HSPG2: variants seen among roughly 807,000 people sequenced by gnomAD.
HSPG2 encodes the protein basement membrane-specific heparan sulfate proteoglycan core protein.
Under a neutral mutation model 526.6 loss-of-function variants are expected in HSPG2, and 278 were observed. The ratio of observed to expected loss-of-function variants is 0.53; its 90% CI spans 0.48 to 0.58. The LOEUF (loss-of-function observed/expected upper bound fraction) is 0.58, where lower values mean the gene tolerates loss of function less well. Ranked by LOEUF, HSPG2 falls within the 20% of genes least tolerant of loss-of-function variation. HSPG2 has a pLI of 0.00. For synonymous variants in HSPG2, 2,465 were observed against 2,555.4 expected (o/e 0.96, Z 1.07); for missense variants, 5,354 against 6,099.5 (o/e 0.88, Z 4.07).
Position 21,887,445 on chromosome 1 carries a change from C to T in HSPG2, c.933G>A (p.Glu311=), listed in dbSNP as rs1368305267. 6.2e-7 allele frequency: 1 copy of T among 1,614,114 alleles called. No homozygotes were observed. The highest frequency in any genetic ancestry group is 8.5e-7 in the Non-Finnish European group (1 of 1,180,008). Residue 311 remains glutamate (E), a synonymous_variant, in exon 8 of 97, where the codon GAG becomes GAA. Coordinates refer to ENST00000374695, the MANE Select transcript of HSPG2 (RefSeq NM_005529.7). This position sits in a 1 kb window ranked among gnomAD's most constrained non-coding sequence, Gnocchi z 5.0. ...DYLCDGQEDC[E]DGSDELDCGP... ...CACAGTCTAGCTCATCGCTGCCGTC[C>T]TCGCAGTCCTCCTGTCCGTCGCAGA... is the stretch of plus-strand genomic sequence containing the variant.
chr1:21,936,027 C>T (rs1481210807), intron 1 of HSPG2, among the ~76,000 whole-genome samples: 2 of 152,080 alleles, frequency 1.3e-5, no homozygotes, highest in Admixed American at 1.3e-4. Context: ...CAGGCAGTTC[C>T]TGGGTAAACA....
At chr1:21,867,712 C>T (rs1640348350) in intron 33 of HSPG2, among the ~76,000 whole-genome samples, 2 of 152,102 alleles carry the variant, frequency 1.3e-5, no homozygotes, top group South Asian at 4.1e-4. Context: ...TCTGAATGTA[C>T]CTTGTGACTG....
chr1:21,917,083 T>C (rs1394218422), intron 1 of HSPG2, among the ~76,000 whole-genome samples: 2 of 152,260 alleles, frequency 1.3e-5, no homozygotes, highest in African/African-American at 2.4e-5. Flanking sequence ...TATCACACGC[T>C]GACCAGAAGT....
At position 21,859,088 on chromosome 1, in the gene HSPG2, C is replaced by T. The variant is rs531580922; in HGVS notation, c.5293+478G>A. 3.9e-4 allele frequency among the ~76,000 whole-genome samples: 60 copies of T among 152,138 alleles called. No homozygotes were observed. The highest frequency in any genetic ancestry group is 1.4e-3 in the African/African-American group (58 of 41,486). ...TTTAAGACAGAGTCTTGCTCTGTTG[C>T]CCAGGCTGGAGTGCAGTGGCGCAAT... On this transcript the variant is annotated intron_variant, in intron 42 of 96. Coordinates refer to ENST00000374695, the MANE Select transcript of HSPG2 (RefSeq NM_005529.7). This position sits in a 1 kb window ranked among gnomAD's most constrained non-coding sequence, Gnocchi z 5.3.
chr1:21,859,763 G>A lies in HSPG2; in HGVS notation c.5182+72C>T. The A allele has an allele frequency of 3.8e-6, 6 of 1,591,084 alleles. No individual in the cohort carries two copies. In the East Asian group the frequency reaches 1.1e-4, roughly 30 times the overall value. On this transcript the variant is annotated intron_variant, in intron 41 of 96. Coordinates refer to ENST00000374695, the MANE Select transcript of HSPG2 (RefSeq NM_005529.7). The surrounding 1 kb of genome is among the most constrained non-coding windows in gnomAD (Gnocchi z 5.3). ...TGCACAAGGACAGCATCCCACTAGG[G>A]CAGGGACAGGCCCCTGCCTCCCCTC...
Position 21,884,555 on chromosome 1 carries a change from G to A in HSPG2, c.1627C>T (p.Arg543Cys), listed in dbSNP as rs762394604. The A allele has an allele frequency of 1.8e-5, 29 of 1,611,124 alleles. No individual in the cohort carries two copies. Among genetic ancestry groups the A allele is most frequent in the South Asian group, 1.3e-4 (12 of 91,002 alleles). ...TRRFRDQIRL[R>C]FDQPDDFKGV... ...TTGAAGTCATCGGGTTGGTCAAAGC[G>A]CAGCCTGATCTGGTCCCGGAAGCGG... The change falls in exon 13 of 97, where the codon CGC becomes TGC. Residue 543 changes from arginine (R) to cysteine (C), a missense_variant. Physicochemically the swap from Arg to Cys is radical, Grantham distance 180. Transcript: ENST00000374695.
chr1:21,830,357 T>G, intron 85 of HSPG2: 3 of 497,492 alleles, frequency 6.0e-6, no homozygotes, highest in East Asian at 3.6e-5. Context: ...GGGGAGCACC[T>G]GGTGGCGGGT....
rs1167206496 is a variant in HSPG2 at position 21,858,654 on chromosome 1, G to A, written c.5293+912C>T. Among the ~76,000 whole-genome samples, 2 of 152,230 alleles carry A rather than the reference G, an allele frequency of 1.3e-5. No individual in the cohort carries two copies. The highest frequency in any genetic ancestry group is 4.8e-5 in the African/African-American group (2 of 41,462). ...GACCTGTTTGTAGCCTGTGCTGCTG[G>A]TGGCCTAGCCACGCTTCCCACCCCC... On this transcript the variant is annotated intron_variant, in intron 42 of 96. Transcript: ENST00000374695. This position sits in a 1 kb window ranked among gnomAD's most constrained non-coding sequence, Gnocchi z 4.2.
chr1:21,926,798 A>C (rs1415861468), intron 1 of HSPG2, among the ~76,000 whole-genome samples: 1 of 151,458 alleles, frequency 6.6e-6, no homozygotes, highest in Non-Finnish European at 1.5e-5. Context: ...AGAGAGAAAG[A>C]AAATGATAGA....
chr1:21,829,216 G>A (rs1191801153), intron 87 of HSPG2, 137 bp from the exon 88 acceptor site: 25 of 1,407,444 alleles, frequency 1.8e-5, no homozygotes, highest in Admixed American at 4.1e-5. Flanking sequence ...CCATGGCTCA[G>A]AGAGGGCTAG....
Position 21,829,469 on chromosome 1 carries a change from C to T in HSPG2, c.11906G>A (p.Ser3969Asn), listed in dbSNP as rs376020297. ...CTCCACAGGCCCGCTCTTCCCCCCG[C>T]TGAACAGCAGGACCCCGTCAGGGGC... ...PLAPDGVLLF[S>N]GGKSGPVEDF... Residue 3969 changes from serine to asparagine, a missense_variant, in exon 87 of 97, where the codon AGC becomes AAC. Coordinates refer to ENST00000374695, the MANE Select transcript of HSPG2 (RefSeq NM_005529.7). 2.0e-5 allele frequency: 32 copies of T among 1,613,406 alleles called. No individual in the cohort carries two copies. The African/African-American group carries it at 4.1e-4, about 21-fold the overall frequency.
Position 21,848,720 on chromosome 1 carries a change from T to G in HSPG2, c.7660A>C (p.Asn2554His). The change falls in exon 59 of 97, where the codon AAC becomes CAC. Residue 2554 changes from asparagine to histidine, a missense_variant. Asn to His is a moderately conservative substitution (Grantham distance 68). Coordinates refer to ENST00000374695, the MANE Select transcript of HSPG2 (RefSeq NM_005529.7). The surrounding 1 kb of genome is among the most constrained non-coding windows in gnomAD (Gnocchi z 4.9). ...SLANGHTLDL[N>H]CLVASQAPHT... ...GGAGCCTGGCTGGCAACCAGGCAGT[T>G]GAGGTCCAGGGTGTGTCCATTGGCC... 1 of 1,613,782 alleles carries G rather than the reference T, an allele frequency of 6.2e-7. No individual in the cohort carries two copies. Among genetic ancestry groups the G allele is most frequent in the Non-Finnish European group, 8.5e-7 (1 of 1,179,944 alleles).
At position 21,842,644 on chromosome 1, in the gene HSPG2, C is replaced by T. The variant is rs554277534; in HGVS notation, c.8910+126G>A. On this transcript the variant is annotated intron_variant, in intron 67 of 96. Transcript: ENST00000374695. ...TGATTTGCAGGCTGGTGAACTCGTCCCGCAAACGTATTTTATCCCCTGGGG... is the reference window on the plus strand; with the variant it reads ...TGATTTGCAGGCTGGTGAACTCGTCTCGCAAACGTATTTTATCCCCTGGGG... 7.3e-5 allele frequency: 94 copies of T among 1,288,856 alleles called. No homozygotes were observed. The East Asian group carries it at 2.1e-3, about 29-fold the overall frequency. The allele number at this position is 1,288,856 out of a possible 1,614,324, so 79.8% of individuals were successfully genotyped here.
intron 20 of HSPG2, 60 bp downstream of exon 20, chr1:21,878,373 G>T: frequency 8.9e-6 from 14 of 1,580,644 alleles, no homozygotes; most frequent in Non-Finnish European, 1.1e-5. Context: ...AGGGTGCCTG[G>T]TGTGCAGCCC....
At chr1:21,912,217 C>T (rs560975390) in intron 1 of HSPG2, among the ~76,000 whole-genome samples, 14 of 152,268 alleles carry the variant, frequency 9.2e-5, no homozygotes, top group Non-Finnish European at 1.6e-4. Context: ...CACTTGACCT[C>T]TCTGAGCCTC....
rs776848549 is a variant in HSPG2, at chr1:21,846,553, G to A, written c.8211C>T (p.His2737=). Residue 2737 remains histidine, a synonymous_variant, in exon 63 of 97, where the codon CAC becomes CAT. Transcript: ENST00000374695. The stretch of plus-strand genomic sequence containing the variant: ...GATCCAGGGTCTCCCCTTCGGCCAC[G>A]TGTGAGGAGGATGACTCAATTCTGA... The part of the protein sequence containing the change: ...MPIRIESSSS[H]VAEGETLDLN... 27 of 1,613,584 alleles carry A rather than the reference G, an allele frequency of 1.7e-5. No individual in the cohort carries two copies. The highest frequency in any genetic ancestry group is 2.1e-5 in the Non-Finnish European group (25 of 1,180,022).
Position 21,857,166 on chromosome 1 carries a change from G to T in HSPG2, c.5424C>A (p.Arg1808=), listed in dbSNP as rs1054537931. The part of the protein sequence containing the change: ...KSPAYTLVWT[R]LHNGKLPTRA... ...GGGTGGGCAGTTTCCCGTTGTGCAG[G>T]CGGGTCCACACCAGGGTATAGGCTG... is the stretch of plus-strand genomic sequence containing the variant. The change falls in exon 44 of 97, where the codon CGC becomes CGA. Residue 1808 remains arginine, a synonymous_variant. Coordinates refer to ENST00000374695, the MANE Select transcript of HSPG2 (RefSeq NM_005529.7). 6 of 1,614,016 alleles carry T rather than the reference G, an allele frequency of 3.7e-6. No homozygotes were observed. Among genetic ancestry groups the T allele is most frequent in the Non-Finnish European group, 4.2e-6 (5 of 1,180,028 alleles).
Position 21,823,364 on chromosome 1 carries a change from C to T in HSPG2, c.13128G>A (p.Leu4376=). ...PGAPPPQPLD[L]QHRAQAGANT... ...TGGCCCCGGCCTGGGCGCGGTGCTG[C>T]AGGTCCAGGGGCTGTGGGGGCGGGG... Residue 4376 remains leucine, a synonymous_variant, in exon 97 of 97, where the codon CTG becomes CTA. Transcript: ENST00000374695. The T allele has an allele frequency of 6.5e-7, 1 of 1,548,350 alleles. No homozygotes were observed. Among genetic ancestry groups the T allele is most frequent in the Non-Finnish European group, 8.7e-7 (1 of 1,150,884 alleles).
Position 21,909,359 on chromosome 1 carries a change from G to A in HSPG2, c.64-13049C>T, listed in dbSNP as rs114742539. Among the ~76,000 whole-genome samples, 850 of 152,314 alleles carry A rather than the reference G, an allele frequency of 5.6e-3. 7 individuals are homozygous for A. The highest frequency in any genetic ancestry group is 0.018 in the African/African-American group (757 of 41,572). On this transcript the variant is annotated intron_variant, in intron 1 of 96. Transcript: ENST00000374695. ...GAGCCTGGAGTGAGGCAAGCAGACA[G>A]AGAGCACATGCTGAATCCCAGAGAT...
Sources: allele counts gnomAD v4.1 joint callset (sites outside exome capture counted in the v4.1 genomes callset), GRCh38; gene constraint gnomAD v4.1.1; non-coding constraint Gnocchi (gnomAD v3.1); transcripts MANE v1.5; gene names NCBI Gene and HGNC (gene_info 2026-07-23, HGNC 2026-07-21).